The following PDE1C variants were observed in gnomAD, a reference collection of about 807,000 sequenced individuals.
PDE1C encodes the protein phosphodiesterase 1C, also known as dual specificity calcium/calmodulin-dependent 3',5'-cyclic nucleotide phosphodiesterase 1C.
A neutral mutation model predicts 93.1 loss-of-function variants in PDE1C; 62 were observed. The ratio of observed to expected loss-of-function variants is 0.67; its 90% CI spans 0.54 to 0.82. The LOEUF (loss-of-function observed/expected upper bound fraction) is 0.82, where lower values mean the gene tolerates loss of function less well. Among genes scored for constraint, PDE1C ranks in the 40% least tolerant of loss-of-function variants. The pLI is 0.00. For missense variants in PDE1C, 742 were observed against 884.6 expected (o/e 0.84, Z 2.04); for synonymous variants, 325 against 310.1 (o/e 1.05, Z -0.50).
At chr7:32,313,416 G>T (rs542446050) in intron 1 of PDE1C, among the ~76,000 whole-genome samples, 1 of 151,940 alleles carries the variant, frequency 6.6e-6, no homozygotes, top group African/African-American at 2.4e-5. Flanking sequence ...TATACCCAAA[G>T]GATTATAAAT....
chr7:32,207,242 C>T (rs1328816725), intron 2 of PDE1C, among the ~76,000 whole-genome samples: 2 of 152,048 alleles, frequency 1.3e-5, no homozygotes, highest in East Asian at 1.9e-4. Flanking sequence ...TCTGGCCACC[C>T]GCCCCCGCCA....
intron 3 of PDE1C, among the ~76,000 whole-genome samples, chr7:32,108,841 A>G (rs1798489954): frequency 6.6e-6 from 1 of 152,184 alleles, no homozygotes; most frequent in Non-Finnish European, 1.5e-5. Context: ...GAGCATGGAG[A>G]TTGTAAATGG....
intron 2 of PDE1C, among the ~76,000 whole-genome samples, chr7:31,897,326 T>G (rs1472513580): frequency 6.6e-6 from 1 of 152,250 alleles, no homozygotes; most frequent in African/African-American, 2.4e-5. Context: ...GAAAGTGTCC[T>G]ATTACAAATT....
intron 3 of PDE1C, among the ~76,000 whole-genome samples, chr7:32,099,866 C>T (rs1797958400): frequency 6.6e-6 from 1 of 152,166 alleles, no homozygotes; most frequent in Non-Finnish European, 1.5e-5. Context: ...CTGACATTTC[C>T]TTCAACCTAA....
At chr7:32,399,199 T>C (rs183862934) in intron 1 of PDE1C, among the ~76,000 whole-genome samples, 1 of 152,288 alleles carries the variant, frequency 6.6e-6, no homozygotes, top group Non-Finnish European at 1.5e-5. Context: ...CTACACACGG[T>C]TGTGTGTCCT....
At chr7:32,110,933 T>C (rs911201618) in intron 3 of PDE1C, among the ~76,000 whole-genome samples, 4 of 152,096 alleles carry the variant, frequency 2.6e-5, no homozygotes, top group African/African-American at 7.2e-5. Context: ...CTTTCACAAA[T>C]TGGAGGGTGC....
rs186001606 is a variant in PDE1C at position 31,797,554 on chromosome 7, G to C, written c.1891+11477C>G. ...TATAAAGGGTTAATTTTTAAGGTAAGTAGAAGAGATTCAAAGTTATTGCTA... is the reference window on the plus strand; with the variant it reads ...TATAAAGGGTTAATTTTTAAGGTAACTAGAAGAGATTCAAAGTTATTGCTA... On this transcript the variant is annotated intron_variant, in intron 16 of 17. Coordinates refer to ENST00000396191, the MANE Select transcript of PDE1C (RefSeq NM_001191057.4). 8.3e-3 allele frequency among the ~76,000 whole-genome samples: 1,259 copies of C among 151,880 alleles called. 53 individuals are homozygous for C. The highest frequency in any genetic ancestry group is 0.077 in the Admixed American group (1,173 of 15,208).
intron 3 of PDE1C, among the ~76,000 whole-genome samples, chr7:32,137,279 G>C (rs1019274924): frequency 6.6e-6 from 1 of 152,106 alleles, no homozygotes; most frequent in Non-Finnish European, 1.5e-5. Context: ...ATACACCCCA[G>C]CCCCAGCACT....
intron 7 of PDE1C, among the ~76,000 whole-genome samples, chr7:31,851,707 T>C (rs1208721574): frequency 6.6e-6 from 1 of 152,222 alleles, no homozygotes; most frequent in Non-Finnish European, 1.5e-5. Flanking sequence ...TTTGTTATTA[T>C]AATTATGTAA....
intron 2 of PDE1C, among the ~76,000 whole-genome samples, chr7:31,883,679 G>A (rs1309386189): frequency 1.3e-5 from 2 of 152,156 alleles, no homozygotes; most frequent in Non-Finnish European, 2.9e-5. Flanking sequence ...GTCATGAAGG[G>A]GCCTCATATC....
intron 3 of PDE1C, among the ~76,000 whole-genome samples, chr7:32,090,012 T>A (rs1177712012): frequency 6.6e-6 from 1 of 152,190 alleles, no homozygotes. Flanking sequence ...CTATTCCTTT[T>A]ATCTAGTTTT....
At chr7:32,410,031 T>C (rs531155734) in intron 1 of PDE1C, among the ~76,000 whole-genome samples, 136 of 151,988 alleles carry the variant, frequency 8.9e-4, no homozygotes, top group African/African-American at 3.2e-3. Flanking sequence ...ATAAGAAACA[T>C]AAAAACTAGA....
chr7:31,811,123 G>A (rs542325051), intron 15 of PDE1C, among the ~76,000 whole-genome samples: 9 of 152,142 alleles, frequency 5.9e-5, no homozygotes, highest in African/African-American at 2.2e-4. Context: ...TGAATCATGG[G>A]GGCAGTTTCC....
the PDE1C span, chr7:31,707,669 A>G: frequency 1.1e-5 from 2 of 183,040 alleles, no homozygotes; most frequent in Non-Finnish European, 2.3e-5. Context: ...ACTTAGCATT[A>G]TCCAAGCACC....
intron 1 of PDE1C, among the ~76,000 whole-genome samples, chr7:32,255,121 C>T (rs1463248212): frequency 6.6e-6 from 1 of 152,174 alleles, no homozygotes; most frequent in Non-Finnish European, 1.5e-5. Flanking sequence ...AACAAGAGGT[C>T]CCAGAGGCTA....
intron 7 of PDE1C, among the ~76,000 whole-genome samples, chr7:31,857,066 AT>A (rs927457829): frequency 2.0e-4 from 31 of 152,096 alleles, no homozygotes; most frequent in Non-Finnish European, 4.3e-4. Context: ...ATACAACTTT[AT>A]TTTACCTTAA....
At chr7:31,984,539 A>G (rs1166398444) in intron 2 of PDE1C, among the ~76,000 whole-genome samples, 1 of 151,844 alleles carries the variant, frequency 6.6e-6, no homozygotes, top group Non-Finnish European at 1.5e-5. Flanking sequence ...CAAAGGTATC[A>G]CTCTTTCATG....
At chr7:32,057,965 T>A (rs1251694569) in intron 1 of PDE1C, among the ~76,000 whole-genome samples, 2 of 152,198 alleles carry the variant, frequency 1.3e-5, no homozygotes, top group Non-Finnish European at 2.9e-5. Context: ...TGAGTATCTT[T>A]GAACAACAGC....
intron 2 of PDE1C, among the ~76,000 whole-genome samples, chr7:32,208,014 G>A (rs4720056): frequency 1 from 152,361 of 152,362 alleles, 76,180 homozygotes; most frequent in Non-Finnish European, 1. Flanking sequence ...CTTCAACCTC[G>A]TTGAGCTGTG....
Sources: allele counts gnomAD v4.1 joint callset (sites outside exome capture counted in the v4.1 genomes callset), GRCh38; gene constraint gnomAD v4.1.1; transcripts MANE v1.5; gene names NCBI Gene and HGNC (gene_info 2026-07-23, HGNC 2026-07-21).